Variants in COL4A4 observed in about 807,000 individuals in gnomAD.
The protein encoded by COL4A4 is collagen alpha-4(IV) chain.
In COL4A4, 105 loss-of-function variants were observed where a neutral mutation model predicts 192.9. The observed-to-expected ratio is 0.54, with a 90% CI of 0.46 to 0.64. The LOEUF (loss-of-function observed/expected upper bound fraction) is 0.64, where lower values mean the gene tolerates loss of function less well. Among genes scored for constraint, COL4A4 ranks in the 30% least tolerant of loss-of-function variants. The pLI, the probability that COL4A4 is intolerant of heterozygous loss-of-function variation, is 0.00. For synonymous variants in COL4A4, 762 were observed against 769.9 expected, an observed-to-expected ratio of 0.99 and a Z score of 0.17; for missense variants, 1,967 against 2,169.3, an observed-to-expected ratio of 0.91 and a Z score of 1.85.
the COL4A4 span, among the ~76,000 whole-genome samples, chr2:226,993,646 T>C: frequency 6.6e-6 from 1 of 152,142 alleles, no homozygotes; most frequent in Non-Finnish European, 1.5e-5. Flanking sequence ...GTACCAGGGG[T>C]TGGGGAGGTA....
At chr2:227,161,345 T>G (rs574795154) in intron 1 of COL4A4, among the ~76,000 whole-genome samples, 94 of 152,184 alleles carry the variant, frequency 6.2e-4, no homozygotes, top group Non-Finnish European at 1.2e-3. Flanking sequence ...TCAAAGACAA[T>G]AACCACTCAT....
At chr2:227,073,258 A>G (rs1438286908) in intron 25 of COL4A4, among the ~76,000 whole-genome samples, 1 of 152,016 alleles carries the variant, frequency 6.6e-6, no homozygotes, top group African/African-American at 2.4e-5. Flanking sequence ...AACAACAATC[A>G]AGTTGAGAAT....
chr2:227,006,732 AG>A lies in COL4A4; in HGVS notation c.*592del, dbSNP rs1962203448. On this transcript the variant is annotated 3_prime_UTR_variant, in exon 48 of 48. Coordinates refer to ENST00000396625, the MANE Select transcript of COL4A4 (RefSeq NM_000092.5). ...CCATCATGATTCATTCTCCTTTGAAAGGAACTGTTAACGCTGGCAGTGTGAA... is the reference window on the plus strand; with the variant it reads ...CCATCATGATTCATTCTCCTTTGAAAGAACTGTTAACGCTGGCAGTGTGAA... 6.5e-6 allele frequency: 1 copy of A among 154,908 alleles called. No individual in the cohort carries two copies. The highest frequency in any genetic ancestry group is 2.0e-4 in the South Asian group (1 of 5,060). The allele number at this position is 154,908 out of a possible 1,614,324, so 9.6% of individuals were successfully genotyped here. A position where few individuals can be genotyped will look rare whatever the true frequency, so the allele number is the denominator to read the frequency against.
chr2:227,048,333 G>C (rs983387944), intron 34 of COL4A4, among the ~76,000 whole-genome samples: 1 of 152,176 alleles, frequency 6.6e-6, no homozygotes, highest in Non-Finnish European at 1.5e-5. Context: ...CCAATTGCTT[G>C]AGGGGTGGGA....
At chr2:227,085,139 A>C (rs1039489908) in intron 22 of COL4A4, among the ~76,000 whole-genome samples, 2 of 133,966 alleles carry the variant, frequency 1.5e-5, no homozygotes, top group African/African-American at 5.5e-5. Context: ...CAAAAAAAAA[A>C]ACAAAAGCAA....
chr2:227,050,052 TA>T lies in COL4A4; in HGVS notation c.3214+15del. On this transcript the variant is annotated intron_variant, in intron 34 of 47. Transcript: ENST00000396625. ...CTATGCATTTGACAGATGGCTTCTG[TA>T]TCTCCAAACCATACCTTTAGGTCCT... 1 of 1,612,716 alleles carries T rather than the reference TA, an allele frequency of 6.2e-7. No homozygotes were observed. Among genetic ancestry groups the T allele is most frequent in the Non-Finnish European group, 8.5e-7 (1 of 1,178,652 alleles).
chr2:227,148,802 G>A (rs2063719732), intron 1 of COL4A4, among the ~76,000 whole-genome samples: 1 of 151,278 alleles, frequency 6.6e-6, no homozygotes, highest in Non-Finnish European at 1.5e-5. Context: ...TGAGAATTAG[G>A]TAGAGAGAAG....
intron 20 of COL4A4, among the ~76,000 whole-genome samples, chr2:227,092,476 T>C (rs934567699): frequency 6.6e-6 from 1 of 152,158 alleles, no homozygotes; most frequent in Non-Finnish European, 1.5e-5. Context: ...AATTAAAAAA[T>C]GCAACCTGAC....
At chr2:227,049,384 A>G (rs1368572387) in intron 34 of COL4A4, among the ~76,000 whole-genome samples, 1 of 152,224 alleles carries the variant, frequency 6.6e-6, no homozygotes, top group African/African-American at 2.4e-5. Flanking sequence ...ATAAAGTTCT[A>G]TTGGAAAACA....
chr2:227,109,166 T>C (rs1441493536), intron 10 of COL4A4, 58 bp downstream of exon 10: 2 of 1,524,666 alleles, frequency 1.3e-6, no homozygotes, highest in East Asian at 2.2e-5. Flanking sequence ...ATGTTGCTTC[T>C]TTATTTTCAT....
the COL4A4 span, chr2:226,988,523 G>A: frequency 1.3e-6 from 2 of 1,502,284 alleles, no homozygotes; most frequent in Non-Finnish European, 1.8e-6. Flanking sequence ...GATAGCAGCT[G>A]CCCGCACTGT....
downstream of COL4A4, among the ~76,000 whole-genome samples, chr2:227,000,578 C>T (rs1960677084): frequency 6.6e-6 from 1 of 152,158 alleles, no homozygotes; most frequent in African/African-American, 2.4e-5. Flanking sequence ...GCCTTGCTGG[C>T]AAATGGGAGA....
Position 227,050,951 on chromosome 2 carries a change from T to C in COL4A4, c.3150+26A>G, listed in dbSNP as rs1327290908. On this transcript the variant is annotated intron_variant, in intron 33 of 47. Coordinates refer to ENST00000396625, the MANE Select transcript of COL4A4 (RefSeq NM_000092.5). Reference sequence around the variant, plus strand: ...AGAACAGAAAGGTTTTATTGTCTCTTCCCCCACAAAGCAGTAGCCCCTTAC... The same window carrying C: ...AGAACAGAAAGGTTTTATTGTCTCTCCCCCCACAAAGCAGTAGCCCCTTAC... 3 of 1,613,838 alleles carry C rather than the reference T, an allele frequency of 1.9e-6. No homozygotes were observed. In the African/African-American group the frequency reaches 4.0e-5, roughly 22 times the overall value.
chr2:227,008,447 G>T, intron 46 of COL4A4, 143 bp from the exon 47 acceptor site: 1 of 961,146 alleles, frequency 1.0e-6, no homozygotes. Context: ...TGGTGAGGAA[G>T]CCATTTCTGA....
At chr2:227,054,810 G>C (rs1292930598) in intron 30 of COL4A4, 73 bp from the exon 31 acceptor site, 1 of 1,489,572 alleles carries the variant, frequency 6.7e-7, no homozygotes, top group Non-Finnish European at 9.1e-7. Context: ...GTGGGAGGTG[G>C]ACAGAGTCTC....
At chr2:227,080,139 C>T (rs1235147005) in intron 24 of COL4A4, among the ~76,000 whole-genome samples, 1 of 152,162 alleles carries the variant, frequency 6.6e-6, no homozygotes, top group African/African-American at 2.4e-5. Flanking sequence ...CACCTAAAAT[C>T]AGTGGGGCCC....
chr2:227,087,867 T>C (rs2059687742), intron 22 of COL4A4, among the ~76,000 whole-genome samples: 1 of 152,212 alleles, frequency 6.6e-6, no homozygotes, highest in Non-Finnish European at 1.5e-5. Flanking sequence ...CTCCTGCCAG[T>C]TCCTTGACTT....
At chr2:227,026,325 G>C (rs550128410) in intron 42 of COL4A4, among the ~76,000 whole-genome samples, 1 of 151,908 alleles carries the variant, frequency 6.6e-6, no homozygotes, top group South Asian at 2.1e-4. Flanking sequence ...GTGAAACCCC[G>C]TCTCTACTAA....
chr2:227,112,247 G>A (rs936831237), intron 8 of COL4A4, among the ~76,000 whole-genome samples: 21 of 151,532 alleles, frequency 1.4e-4, no homozygotes, highest in Non-Finnish European at 1.3e-4. Context: ...TAAAATATAT[G>A]TAAGTTAAAA....
Sources: allele counts gnomAD v4.1 joint callset (sites outside exome capture counted in the v4.1 genomes callset), GRCh38; gene constraint gnomAD v4.1.1; transcripts MANE v1.5; gene names NCBI Gene and HGNC (gene_info 2026-07-23, HGNC 2026-07-21).